Variants in MYH14 observed in about 807,000 individuals in gnomAD.
The protein encoded by MYH14 is myosin heavy chain 14, also known as myosin-14.
Under a neutral mutation model 255.5 loss-of-function variants are expected in MYH14, and 123 were observed. That is an observed-to-expected ratio of 0.48 (90% CI 0.42 to 0.56). MYH14 has a LOEUF of 0.56. Among genes scored for constraint, MYH14 ranks in the 20% least tolerant of loss-of-function variants. MYH14 has a pLI of 0.00. For missense variants in MYH14, 2,423 were observed against 2,802.3 expected (o/e 0.86, Z 3.06); for synonymous variants, 1,095 against 1,161.2 (o/e 0.94, Z 1.16).
intron 11 of MYH14, among the ~76,000 whole-genome samples, chr19:50,246,111 TCTTC>T (rs547710584): frequency 1.1e-4 from 12 of 106,180 alleles, no homozygotes; most frequent in South Asian, 4.1e-4. Flanking sequence ...TCCCTTCCTT[TCTTC>T]CTTCCTTCCT....
At chr19:50,219,180 G>A (rs528192766) in intron 3 of MYH14, among the ~76,000 whole-genome samples, 16 of 148,546 alleles carry the variant, frequency 1.1e-4, no homozygotes, top group African/African-American at 3.4e-4. Flanking sequence ...TTATCTACTC[G>A]TTGGTTGATG....
At chr19:50,259,087 G>C in intron 18 of MYH14, 57 bp from the exon 19 acceptor site, 1 of 1,523,814 alleles carries the variant, frequency 6.6e-7, no homozygotes, top group Admixed American at 2.1e-5. Context: ...AAGCTTGACC[G>C]TTTGGCGCCC....
At chr19:50,231,467 G>A (rs1328055365) in intron 9 of MYH14, among the ~76,000 whole-genome samples, 1 of 152,198 alleles carries the variant, frequency 6.6e-6, no homozygotes, top group Non-Finnish European at 1.5e-5. Context: ...CAGTACTTTG[G>A]GAGGGTGAGG....
At chr19:50,257,666 CTT>C (rs1399672314) in intron 18 of MYH14, among the ~76,000 whole-genome samples, 180 bp downstream of exon 18, 1 of 152,210 alleles carries the variant, frequency 6.6e-6, no homozygotes, top group African/African-American at 2.4e-5. Context: ...ATTCATATGA[CTT>C]AATGTATTAA....
At chr19:50,268,019 G>T in intron 23 of MYH14, 142 bp from the exon 24 acceptor site, 1 of 1,023,916 alleles carries the variant, frequency 9.8e-7, no homozygotes, top group South Asian at 1.7e-5. Context: ...GGGGGAGGAG[G>T]TGGGGACACC....
In MYH14 at chr19:50,230,792, C is replaced by T. The variant is rs879488522; in HGVS notation, c.973+169C>T. On this transcript the variant is annotated intron_variant, in intron 9 of 42. Transcript: ENST00000642316. This position sits in a 1 kb window ranked among gnomAD's most constrained non-coding sequence, Gnocchi z 4.7. ...GCTCTCGCTGCGTAGTGGCGTCTGT[C>T]GCACGGTGGGTTCTGCTGCGCTCTG... 15 of 621,104 alleles carry T rather than the reference C, an allele frequency of 2.4e-5. No homozygotes were observed. Among genetic ancestry groups the T allele is most frequent in the Non-Finnish European group, 4.0e-5 (14 of 351,140 alleles). The allele number at this position is 621,104 out of a possible 1,614,324, so 38.5% of individuals were successfully genotyped here.
At chr19:50,302,838 G>C (rs1053178286) in intron 40 of MYH14, among the ~76,000 whole-genome samples, 1 of 152,080 alleles carries the variant, frequency 6.6e-6, no homozygotes, top group African/African-American at 2.4e-5. Flanking sequence ...GGAGGCGGAG[G>C]TTGTGGTGAG....
At position 50,263,371 on chromosome 19, in the gene MYH14, C is replaced by A; in HGVS notation, c.2645C>A (p.Ala882Glu). 1.2e-6 allele frequency: 2 copies of A among 1,603,012 alleles called. No homozygotes were observed. The highest frequency in any genetic ancestry group is 1.7e-6 in the Non-Finnish European group (2 of 1,175,028). Reference protein sequence around the residue: ...SALRVMQRNCAAYLKLRHWQW... With the variant: ...SALRVMQRNCEAYLKLRHWQW... ...CTGAGGGTGATGCAGCGGAACTGCG[C>A]GGCCTACCTCAAGCTGAGACACTGG... Residue 882 changes from alanine (A) to glutamate (E), a missense_variant, in exon 22 of 43, where the codon GCG becomes GAG. Ala to Glu is a moderately radical substitution (Grantham distance 107, BLOSUM62 -1). Coordinates refer to ENST00000642316, the MANE Select transcript of MYH14 (RefSeq NM_001145809.2).
At position 50,291,308 on chromosome 19, in the gene MYH14, G is replaced by GTT. The variant is rs796418702; in HGVS notation, c.5127+272_5127+273dup. On this transcript the variant is annotated intron_variant, in intron 36 of 42. Coordinates refer to ENST00000642316, the MANE Select transcript of MYH14 (RefSeq NM_001145809.2). ...GTTTGTTTCTTTGTTTGTTCAGTTG[G>GTT]TTTTTTTTTTTTTGAGACAGTCTCA... 5.7e-3 allele frequency among the ~76,000 whole-genome samples: 817 copies of GTT among 143,372 alleles called. 11 individuals are homozygous for GTT. The highest frequency in any genetic ancestry group is 0.02 in the African/African-American group (790 of 39,510). The allele number at this position is 143,372 out of a possible 152,430, so 94.1% of individuals were successfully genotyped here.
Position 50,280,274 on chromosome 19 carries a change from C to T in MYH14, c.4181C>T (p.Ser1394Phe). The T allele has an allele frequency of 1.3e-6, 2 of 1,551,582 alleles. No individual in the cohort carries two copies. The highest frequency in any genetic ancestry group is 2.4e-5 in the East Asian group (1 of 40,918). The change falls in exon 32 of 43, where the codon TCC becomes TTC. Residue 1394 changes from serine (S) to phenylalanine (F), a missense_variant. Ser to Phe is a radical substitution (Grantham distance 155). This residue lies in a region of MYH14 where 1,513 missense variants were observed against 1,674.8 expected (regional missense o/e 0.90). Transcript: ENST00000642316. This position sits in a 1 kb window ranked among gnomAD's most constrained non-coding sequence, Gnocchi z 4.8. ...ACCAGGGCGAAATTGGCCTTGGGGTCCCGGGTGCGAGCCATGGAGGCTGAG... is the reference window on the plus strand; with the variant it reads ...ACCAGGGCGAAATTGGCCTTGGGGTTCCGGGTGCGAGCCATGGAGGCTGAG... The part of the protein sequence containing the change: ...EETRAKLALG[S>F]RVRAMEAEAA...
intron 36 of MYH14, among the ~76,000 whole-genome samples, chr19:50,291,772 G>A (rs939832637): frequency 6.6e-6 from 1 of 152,148 alleles, no homozygotes; most frequent in Non-Finnish European, 1.5e-5. Flanking sequence ...GGCTGAGGCA[G>A]GAGAATTGCT....
chr19:50,255,111 C>CTTTTTTT, intron 16 of MYH14, 109 bp from the exon 17 acceptor site: 1 of 748,084 alleles, frequency 1.3e-6, no homozygotes, highest in African/African-American at 1.7e-5. Context: ...ACCCTCTCCT[C>CTTTTTTT]TTTTTCTTCC....
chr19:50,296,589 A>C (rs1041659093), intron 39 of MYH14, among the ~76,000 whole-genome samples: 3 of 152,256 alleles, frequency 2.0e-5, no homozygotes, highest in Non-Finnish European at 4.4e-5. Context: ...CCTGGGCAAC[A>C]GAGTGAGACC....
intron 10 of MYH14, among the ~76,000 whole-genome samples, chr19:50,233,232 T>C (rs1600901363): frequency 1.3e-5 from 2 of 152,018 alleles, no homozygotes; most frequent in Non-Finnish European, 2.9e-5. Flanking sequence ...TGCAGTGGTG[T>C]GATCTCAGCC....
chr19:50,259,356 C>T (rs1357709190), intron 19 of MYH14, 91 bp downstream of exon 19: 1 of 1,483,794 alleles, frequency 6.7e-7, no homozygotes. Flanking sequence ...TCTCCACCCA[C>T]TCTTGTTCCT....
chr19:50,245,849 T>G (rs2034092241), intron 11 of MYH14, among the ~76,000 whole-genome samples: 1 of 152,238 alleles, frequency 6.6e-6, no homozygotes. Flanking sequence ...CCCTGCAAAC[T>G]GTTTTGAAAC....
intron 16 of MYH14, among the ~76,000 whole-genome samples, chr19:50,254,086 A>G (rs1487400808): frequency 2.6e-5 from 4 of 152,058 alleles, no homozygotes; most frequent in African/African-American, 7.2e-5. Flanking sequence ...GCGTGGTGGC[A>G]CATGCCTGTA....
chr19:50,302,702 A>T (rs540963926), intron 40 of MYH14, among the ~76,000 whole-genome samples: 1 of 152,028 alleles, frequency 6.6e-6, no homozygotes, highest in Non-Finnish European at 1.5e-5. Context: ...GGAGTTCGAG[A>T]CCAGCCTGAC....
chr19:50,206,824 G>A (rs2031783340), intron 1 of MYH14, among the ~76,000 whole-genome samples: 2 of 152,050 alleles, frequency 1.3e-5, no homozygotes, highest in Admixed American at 6.6e-5. Context: ...TAGGTCTATC[G>A]GGCAGAGGTG....
Sources: allele counts gnomAD v4.1 joint callset (sites outside exome capture counted in the v4.1 genomes callset), GRCh38; gene constraint gnomAD v4.1.1; regional missense constraint gnomAD v4.1.1; non-coding constraint Gnocchi (gnomAD v3.1); transcripts MANE v1.5; gene names NCBI Gene and HGNC (gene_info 2026-07-23, HGNC 2026-07-21).